NSF: variants seen among roughly 807,000 people sequenced by gnomAD.
The protein encoded by NSF is N-ethylmaleimide sensitive factor, vesicle fusing ATPase.
NSF carries 14 observed loss-of-function variants against 50.3 expected under a neutral mutation model. The observed-to-expected ratio is 0.28, with a 90% CI of 0.18 to 0.44. The LOEUF is 0.44. NSF is among the 20% of genes least tolerant of loss of function. The pLI is 1.00. For synonymous variants in NSF, 109 were observed against 175.7 expected (o/e 0.62, Z 3.00); for missense variants, 218 against 504.3 (o/e 0.43, Z 5.44).
chr17:46,681,461 G>A (rs1406305309), intron 9 of NSF, among the ~76,000 whole-genome samples: 11 of 139,668 alleles, frequency 7.9e-5, no homozygotes, highest in Admixed American at 1.4e-4. Context: ...CTGCACTCCC[G>A]CTTGGGCAAC....
chr17:46,720,906 G>T (rs577545275), intron 15 of NSF, among the ~76,000 whole-genome samples: 2 of 152,226 alleles, frequency 1.3e-5, no homozygotes, highest in Non-Finnish European at 2.9e-5. Context: ...ATCCCGAAAG[G>T]CTGGGATTAA....
intron 9 of NSF, among the ~76,000 whole-genome samples, chr17:46,684,449 C>A (rs155759): frequency 6.6e-4 from 101 of 152,112 alleles, no homozygotes; most frequent in Middle Eastern, 6.8e-3. Flanking sequence ...TCTTTATAGT[C>A]GAATGATTGT....
intron 15 of NSF, among the ~76,000 whole-genome samples, chr17:46,724,608 T>C (rs2058868129): frequency 1.3e-5 from 2 of 152,240 alleles, no homozygotes; most frequent in South Asian, 4.1e-4. Flanking sequence ...CCGTATCATC[T>C]TGTATTTCCC....
chr17:46,598,168 T>G (rs2057878920), intron 1 of NSF, among the ~76,000 whole-genome samples: 1 of 70,854 alleles, frequency 1.4e-5, no homozygotes, highest in South Asian at 5.6e-4. Flanking sequence ...TTCTTACTAC[T>G]TTTGATATTC....
At chr17:46,638,745 T>C in intron 5 of NSF, among the ~76,000 whole-genome samples, 1 of 130,786 alleles carries the variant, frequency 7.6e-6, no homozygotes, top group African/African-American at 3.2e-5. Context: ...TGACCTCAAG[T>C]GATCCTCCCA....
At chr17:46,754,545 G>A (rs1470677024) in intron 19 of NSF, among the ~76,000 whole-genome samples, 2 of 152,076 alleles carry the variant, frequency 1.3e-5, no homozygotes, top group Non-Finnish European at 2.9e-5. Context: ...TGTTTTTAAC[G>A]ATTGTTTTCT....
At chr17:46,631,082 A>ACACACAAACACACACACACG (rs1555668598) in intron 4 of NSF, among the ~76,000 whole-genome samples, 1 of 142,080 alleles carries the variant, frequency 7.0e-6, no homozygotes, top group African/African-American at 2.8e-5. Context: ...ACACACACAC[A>ACACACAAACACACACACACG]CACACACACA....
chr17:46,660,810 TAATC>T (rs1287649192), intron 8 of NSF, among the ~76,000 whole-genome samples: 2 of 286 alleles, frequency 7.0e-3, no homozygotes, highest in Non-Finnish European at 6.0e-3. Flanking sequence ...GGAGGTCTAA[TAATC>T]CCATTTCCGA....
At chr17:46,738,870 G>A (rs1206645032) in intron 17 of NSF, among the ~76,000 whole-genome samples, 1 of 152,282 alleles carries the variant, frequency 6.6e-6, no homozygotes, top group Non-Finnish European at 1.5e-5. Context: ...GGGAGGCCAA[G>A]GCAGGAGGAT....
intron 4 of NSF, among the ~76,000 whole-genome samples, chr17:46,633,662 G>C (rs1327248673): frequency 4.4e-5 from 5 of 113,302 alleles, no homozygotes; most frequent in African/African-American, 7.8e-5. Context: ...AAATAATGCT[G>C]CAATGAACCT....
chr17:46,711,097 A>G lies in NSF; in HGVS notation c.1605A>G (p.Pro535=), dbSNP rs372384501. 3.9e-6 allele frequency: 6 copies of G among 1,540,244 alleles called. No homozygotes were observed. Among genetic ancestry groups the G allele is most frequent in the African/African-American group, 2.8e-5 (2 of 70,250 alleles). Residue 535 remains proline, a synonymous_variant, in exon 14 of 21, where the codon CCA becomes CCG. Coordinates refer to ENST00000398238, the MANE Select transcript of NSF (RefSeq NM_006178.4). ...AGACTAAGAACAGTGACCGCACACC[A>G]TTGGTCAGCGTGCTTCTGGAAGGTG... ...VQQTKNSDRT[P]LVSVLLEGPP... is the part of the protein sequence containing the mutation.
chr17:46,716,819 C>G (rs1046009879), intron 15 of NSF, among the ~76,000 whole-genome samples: 2 of 152,188 alleles, frequency 1.3e-5, no homozygotes, highest in African/African-American at 4.8e-5. Flanking sequence ...CATATACCCC[C>G]TCCCTTATAT....
intron 17 of NSF, among the ~76,000 whole-genome samples, chr17:46,743,208 G>A (rs761880672): frequency 1.1e-4 from 17 of 152,112 alleles, no homozygotes; most frequent in East Asian, 9.6e-4. Flanking sequence ...GCCTCTCTGC[G>A]TCATTTGCTG....
chr17:46,716,810 A>C (rs2058775895), intron 15 of NSF, among the ~76,000 whole-genome samples: 1 of 152,240 alleles, frequency 6.6e-6, no homozygotes, highest in East Asian at 1.9e-4. Context: ...ACATGAACAC[A>C]TATACCCCCT....
chr17:46,753,124 A>G (rs1233287516), intron 19 of NSF, among the ~76,000 whole-genome samples: 2 of 152,168 alleles, frequency 1.3e-5, no homozygotes, highest in African/African-American at 4.8e-5. Flanking sequence ...AGGTAAATGG[A>G]CAGAGTGGCT....
At chr17:46,722,190 C>T in intron 15 of NSF, 2 of 1,602,342 alleles carry the variant, frequency 1.2e-6, no homozygotes, top group South Asian at 2.2e-5. Flanking sequence ...GGAGAACTTG[C>T]AGCGCCTGCT....
At chr17:46,738,266 T>G (rs191506463) in intron 17 of NSF, among the ~76,000 whole-genome samples, 202 of 152,234 alleles carry the variant, frequency 1.3e-3, no homozygotes, top group African/African-American at 4.5e-3. Context: ...AATATGATAC[T>G]TGAGAATTTG....
chr17:46,626,099 AT>A (rs2058096547), intron 2 of NSF, among the ~76,000 whole-genome samples: 1 of 139,360 alleles, frequency 7.2e-6, no homozygotes, highest in Admixed American at 7.4e-5. Context: ...TATTTTAGGA[AT>A]TTTTTAAATC....
intron 15 of NSF, among the ~76,000 whole-genome samples, chr17:46,718,779 G>A (rs1364156990): frequency 6.6e-6 from 1 of 152,140 alleles, no homozygotes; most frequent in Non-Finnish European, 1.5e-5. Context: ...GAATTAGATG[G>A]TAATTTCTGT....
Sources: allele counts gnomAD v4.1 joint callset (sites outside exome capture counted in the v4.1 genomes callset), GRCh38; gene constraint gnomAD v4.1.1; transcripts MANE v1.5; gene names NCBI Gene and HGNC (gene_info 2026-07-23, HGNC 2026-07-21).